The following NCF2 variants were observed in gnomAD, a reference collection of about 807,000 sequenced individuals.
The protein encoded by NCF2 is neutrophil cytosol factor 2.
NCF2 carries 45 observed loss-of-function variants against 70.9 expected under a neutral mutation model. That is an observed-to-expected ratio of 0.63 (90% CI 0.50 to 0.81). NCF2 has a LOEUF of 0.81. Among genes scored for constraint, NCF2 ranks in the 40% least tolerant of loss-of-function variants. The probability of loss-of-function intolerance (pLI) is 0.00; values close to 1 mark genes in which losing one functional copy is unlikely to be tolerated. For missense variants in NCF2, 522 were observed against 631.6 expected (o/e 0.83, Z 1.86); for synonymous variants, 203 against 233.6 (o/e 0.87, Z 1.19).
the NCF2 span, among the ~76,000 whole-genome samples, chr1:183,600,548 A>G: frequency 1.4e-3 from 220 of 152,250 alleles, 1 homozygote; most frequent in Middle Eastern, 3.4e-3. Context: ...CAGTGTTCCC[A>G]TCCATTTCCC....
chr1:183,584,915 A>C (rs35936159), intron 2 of NCF2, among the ~76,000 whole-genome samples: 6,002 of 152,334 alleles, frequency 0.039, 144 homozygotes, highest in South Asian at 0.09. Context: ...AAAAGAATTT[A>C]TAAAGTCACA....
chr1:183,574,733 C>G, intron 3 of NCF2, 112 bp from the exon 4 acceptor site: 1 of 1,292,504 alleles, frequency 7.7e-7, no homozygotes, highest in Non-Finnish European at 1.1e-6. Context: ...TTCTCCCTTT[C>G]TCAGCTCTCC....
intron 13 of NCF2, among the ~76,000 whole-genome samples, chr1:183,561,779 C>CTTTTTTTTTT (rs57218247): frequency 1.4e-4 from 9 of 65,162 alleles, no homozygotes; most frequent in Non-Finnish European, 2.1e-4. Flanking sequence ...TACCAGGCCT[C>CTTTTTTTTTT]TTTTTTTTTT....
In NCF2 at chr1:183,574,553, T is replaced by G; in HGVS notation, c.435A>C (p.Ala145=). 1 of 1,614,254 alleles carries G rather than the reference T, an allele frequency of 6.2e-7. No individual in the cohort carries two copies. Among genetic ancestry groups the G allele is most frequent in the Non-Finnish European group, 8.5e-7 (1 of 1,180,034 alleles). The change falls in exon 4 of 15, where the codon GCA becomes GCC. Residue 145 remains alanine (A), a synonymous_variant. Transcript: ENST00000367535. ...EEWKKAEEQL[A]LATSMKSEPR... ...GCTCAGACTTCATGCTCGTGGCCAA[T>G]GCTAACTGTTCTTCAGCTTTTTTCC...
chr1:183,571,440 T>C (rs1672559539), intron 5 of NCF2, among the ~76,000 whole-genome samples: 1 of 152,336 alleles, frequency 6.6e-6, no homozygotes, highest in South Asian at 2.1e-4. Context: ...TTAAAGTGAA[T>C]GATTCAGTGG....
At chr1:183,598,939 G>A in the NCF2 span, among the ~76,000 whole-genome samples, 1 of 152,208 alleles carries the variant, frequency 6.6e-6, no homozygotes, top group African/African-American at 2.4e-5. Context: ...TCTAAAAGCT[G>A]TGAATTCTAG....
At chr1:183,559,124 C>T (rs1029410415) in intron 14 of NCF2, among the ~76,000 whole-genome samples, 4 of 152,164 alleles carry the variant, frequency 2.6e-5, no homozygotes, top group Non-Finnish European at 4.4e-5. Flanking sequence ...GGCCCCACCC[C>T]AGACCTGAAT....
chr1:183,575,443 G>C (rs574241652), intron 3 of NCF2, among the ~76,000 whole-genome samples: 3 of 152,206 alleles, frequency 2.0e-5, no homozygotes, highest in Admixed American at 6.5e-5. Context: ...CCTCAGGTGG[G>C]GGGGGAATGG....
Position 183,565,722 on chromosome 1 carries a change from T to G in NCF2, c.982A>C (p.Arg328=), listed in dbSNP as rs1672269914. Residue 328 remains arginine, a synonymous_variant, in exon 10 of 15, where the codon AGA becomes CGA. Transcript: ENST00000367535. ...CACTCACCTGGTGACAGCTGGGGTC[T>G]TCCAGGGGCTTTGGAACTAGGAGGA... ...PAPPSSKAPG[R]PQLSPGQKQK... 1 of 1,612,618 alleles carries G rather than the reference T, an allele frequency of 6.2e-7. No homozygotes were observed. The highest frequency in any genetic ancestry group is 8.5e-7 in the Non-Finnish European group (1 of 1,180,018).
the NCF2 span, among the ~76,000 whole-genome samples, chr1:183,600,863 C>T: frequency 6.6e-6 from 1 of 152,134 alleles, no homozygotes; most frequent in African/African-American, 2.4e-5. Context: ...GAGAGGTTGA[C>T]AGCACACACC....
chr1:183,601,810 A>G, the NCF2 span, among the ~76,000 whole-genome samples: 1 of 150,988 alleles, frequency 6.6e-6, no homozygotes, highest in East Asian at 1.9e-4. Flanking sequence ...GTGAGCCAGG[A>G]TCGTGCCATT....
Position 183,590,381 on chromosome 1 carries a change from A to G in NCF2, c.-52T>C, listed in dbSNP as rs1425750612. On this transcript the variant is annotated 5_prime_UTR_variant, in exon 1 of 15. Transcript: ENST00000367535. ...AGAGCTGCCAGGAGACAGAGAGAAG[A>G]CAGGTTGGAGCGTCTCCCCTAGCAG... The G allele has an allele frequency of 6.2e-7, 1 of 1,608,884 alleles. No individual in the cohort carries two copies. The highest frequency in any genetic ancestry group is 2.2e-5 in the East Asian group (1 of 44,848).
intron 2 of NCF2, among the ~76,000 whole-genome samples, chr1:183,582,153 AATCCCAAAAT>A (rs2102923364): frequency 6.6e-6 from 1 of 152,330 alleles, no homozygotes; most frequent in East Asian, 1.9e-4. Flanking sequence ...TCAGTATGAG[AATCCCAAAAT>A]AGCATTCAGC....
chr1:183,562,971 G>C (rs1157291463), intron 13 of NCF2, among the ~76,000 whole-genome samples: 1 of 152,180 alleles, frequency 6.6e-6, no homozygotes, highest in African/African-American at 2.4e-5. Flanking sequence ...CTTTCTGTGA[G>C]CTCCTGCCCT....
At chr1:183,573,425 T>A in intron 4 of NCF2, 133 bp from the exon 5 acceptor site, 1 of 874,170 alleles carries the variant, frequency 1.1e-6, no homozygotes, top group Non-Finnish European at 1.9e-6. Flanking sequence ...ATGAGTGTTG[T>A]CATTCCTCTA....
chr1:183,595,882 G>C, the NCF2 span, among the ~76,000 whole-genome samples: 1 of 152,158 alleles, frequency 6.6e-6, no homozygotes, highest in Non-Finnish European at 1.5e-5. Flanking sequence ...TCCCACTCAA[G>C]GGGAGGGGAT....
intron 14 of NCF2, among the ~76,000 whole-genome samples, chr1:183,556,811 G>A (rs1309538499): frequency 6.6e-6 from 1 of 152,218 alleles, no homozygotes; most frequent in Admixed American, 6.5e-5. Flanking sequence ...TGATAGGGGT[G>A]AGCCACCGTG....
chr1:183,588,511 T>G (rs1391223205), intron 1 of NCF2, among the ~76,000 whole-genome samples: 2 of 150,976 alleles, frequency 1.3e-5, no homozygotes, highest in African/African-American at 4.9e-5. Flanking sequence ...TGATATCTAA[T>G]GTAATAATGA....
At chr1:183,577,760 C>G in intron 2 of NCF2, 53 bp from the exon 3 acceptor site, 1 of 1,285,632 alleles carries the variant, frequency 7.8e-7, no homozygotes, top group Non-Finnish European at 1.1e-6. Flanking sequence ...GAAATAAATG[C>G]AGCATAAAAT....
Sources: allele counts gnomAD v4.1 joint callset (sites outside exome capture counted in the v4.1 genomes callset), GRCh38; gene constraint gnomAD v4.1.1; transcripts MANE v1.5; gene names NCBI Gene and HGNC (gene_info 2026-07-23, HGNC 2026-07-21).